TCF12: variants seen among roughly 807,000 people sequenced by gnomAD.
TCF12 encodes transcription factor 12.
Under a neutral mutation model 86.0 loss-of-function variants are expected in TCF12, and 45 were observed. The ratio of observed to expected loss-of-function variants is 0.52; its 90% confidence interval spans 0.41 to 0.67. The LOEUF is 0.67. Among genes scored for constraint, TCF12 ranks in the 30% least tolerant of loss-of-function variants. TCF12 has a pLI of 0.00. For missense variants in TCF12, 881 were observed against 859.9 expected, an observed-to-expected ratio of 1.02 and a Z score of -0.31; for synonymous variants, 330 against 299.6, an observed-to-expected ratio of 1.10 and a Z score of -1.05.
chr15:57,027,462 G>A (rs982654504), intron 3 of TCF12, among the ~76,000 whole-genome samples: 5 of 152,102 alleles, frequency 3.3e-5, no homozygotes, highest in Admixed American at 6.5e-5. Context: ...CCATTCGTTC[G>A]TTGATGTATA....
At position 57,256,257 on chromosome 15, in the gene TCF12, G is replaced by T. The variant is rs920913706; in HGVS notation, c.1467+2789G>T. Among the ~76,000 whole-genome samples the T allele has an allele frequency of 2.6e-5, 4 of 152,152 alleles. No homozygotes were observed. In the East Asian group the frequency reaches 7.7e-4, roughly 29 times the overall value. ...ACTGACTATCCCCGCAGAGTCTTAGGCATGTTATTGAGGAAGACTGTCTTA... is the reference window on the plus strand; with the variant it reads ...ACTGACTATCCCCGCAGAGTCTTAGTCATGTTATTGAGGAAGACTGTCTTA... On this transcript the variant is annotated intron_variant, in intron 16 of 20. Coordinates refer to ENST00000333725, the MANE Select transcript of TCF12 (RefSeq NM_207037.2).
intron 3 of TCF12, among the ~76,000 whole-genome samples, chr15:57,062,999 C>T (rs1224635939): frequency 1.3e-5 from 2 of 152,078 alleles, no homozygotes; most frequent in East Asian, 1.9e-4. Flanking sequence ...GGGACTGATT[C>T]GGAGGTGAAA....
At chr15:57,265,066 TAAATAGTATAGTATAGTATA>T (rs1364517801) in intron 18 of TCF12, among the ~76,000 whole-genome samples, 5 of 141,526 alleles carry the variant, frequency 3.5e-5, no homozygotes, top group South Asian at 4.6e-4. Flanking sequence ...ACTCTAATGA[TAAATAGTATAGTATAGTATA>T]GTATAGTATA....
Position 57,146,183 on chromosome 15 carries a change from C to T in TCF12, c.326-20219C>T, listed in dbSNP as rs752764697. On this transcript the variant is annotated intron_variant, in intron 5 of 20. Transcript: ENST00000333725. ...TGTTCTCTGTGTAAAGCCTCAAACT[C>T]ATTAGTTGCCCCAGGGTAATAATGA... Among the ~76,000 whole-genome samples the T allele has an allele frequency of 1.4e-4, 22 of 152,212 alleles. 1 individual carries two copies. The highest frequency in any genetic ancestry group is 9.2e-4 in the Admixed American group (14 of 15,284).
At chr15:57,178,729 T>A (rs1188814163) in intron 6 of TCF12, among the ~76,000 whole-genome samples, 2 of 152,208 alleles carry the variant, frequency 1.3e-5, no homozygotes, top group Admixed American at 6.5e-5. Flanking sequence ...TCAGAAAAAC[T>A]ACTCACTTTG....
chr15:57,040,936 C>T (rs1342143112), intron 3 of TCF12, among the ~76,000 whole-genome samples: 1 of 152,088 alleles, frequency 6.6e-6, no homozygotes, highest in Non-Finnish European at 1.5e-5. Flanking sequence ...TTAACATTTC[C>T]TCATAGTGTT....
intron 3 of TCF12, among the ~76,000 whole-genome samples, chr15:57,036,316 T>G (rs1009024571): frequency 6.6e-6 from 1 of 152,172 alleles, no homozygotes; most frequent in South Asian, 2.1e-4. Flanking sequence ...GGAGAAGAGA[T>G]ATTTTAAAGG....
chr15:57,217,513 G>A (rs556278324), intron 8 of TCF12, among the ~76,000 whole-genome samples: 1 of 152,034 alleles, frequency 6.6e-6, no homozygotes, highest in South Asian at 2.1e-4. Flanking sequence ...TTTTCTGCCC[G>A]GCATCAGGGA....
At chr15:57,018,847 T>C (rs1441850198) in intron 3 of TCF12, among the ~76,000 whole-genome samples, 2 of 152,206 alleles carry the variant, frequency 1.3e-5, no homozygotes, top group East Asian at 1.9e-4. Context: ...ACAAAAGTTA[T>C]TGCTTTGGAT....
chr15:57,232,164 G>A (rs1207736909), intron 9 of TCF12, 127 bp from the exon 10 acceptor site: 1 of 944,868 alleles, frequency 1.1e-6, no homozygotes, highest in Non-Finnish European at 1.6e-6. Context: ...AGAACAGTGG[G>A]TAGAAGACTA....
intron 3 of TCF12, among the ~76,000 whole-genome samples, chr15:56,939,050 C>T (rs1166270267): frequency 6.6e-6 from 1 of 152,188 alleles, no homozygotes; most frequent in Non-Finnish European, 1.5e-5. Flanking sequence ...CTCTCCTCAC[C>T]TGACCTCCTA....
chr15:57,085,169 C>G (rs1194986500), intron 4 of TCF12, among the ~76,000 whole-genome samples: 8 of 152,290 alleles, frequency 5.3e-5, no homozygotes, highest in Admixed American at 6.5e-5. Flanking sequence ...TATTCATCCT[C>G]TCAACAAAAA....
chr15:57,250,337 GA>G (rs1226997802), intron 13 of TCF12, among the ~76,000 whole-genome samples: 7 of 151,996 alleles, frequency 4.6e-5, no homozygotes, highest in Non-Finnish European at 8.8e-5. Flanking sequence ...CCCCCTGGGG[GA>G]AAAAAACTCA....
At chr15:57,042,836 A>G (rs540747301) in intron 3 of TCF12, among the ~76,000 whole-genome samples, 3 of 152,240 alleles carry the variant, frequency 2.0e-5, no homozygotes, top group South Asian at 4.1e-4. Flanking sequence ...ATTGTTAACT[A>G]TGTGCACATT....
intron 19 of TCF12, among the ~76,000 whole-genome samples, chr15:57,277,660 G>A (rs1418955785): frequency 4.6e-5 from 7 of 151,922 alleles, no homozygotes; most frequent in African/African-American, 1.7e-4. Flanking sequence ...AAGTTGGCTG[G>A]GCACAGTGGC....
At chr15:57,136,034 C>T (rs1763691164) in intron 5 of TCF12, among the ~76,000 whole-genome samples, 1 of 151,860 alleles carries the variant, frequency 6.6e-6, no homozygotes, top group Non-Finnish European at 1.5e-5. Context: ...ATCTTCCACT[C>T]TGTGTTTAGG....
At chr15:57,189,830 TA>T (rs35483528) in intron 6 of TCF12, among the ~76,000 whole-genome samples, 57,824 of 152,118 alleles carry the variant, frequency 0.38, 13,696 homozygotes, top group Non-Finnish European at 0.52. Flanking sequence ...TGGAAACAAC[TA>T]AAATGTCCAT....
chr15:56,930,523 A>G (rs1429803366), intron 3 of TCF12, among the ~76,000 whole-genome samples: 1 of 152,196 alleles, frequency 6.6e-6, no homozygotes, highest in African/African-American at 2.4e-5. Flanking sequence ...GATTTTAGAA[A>G]ATGTTTTTTA....
chr15:57,143,502 C>G (rs1216182655), intron 5 of TCF12, among the ~76,000 whole-genome samples: 1 of 152,044 alleles, frequency 6.6e-6, no homozygotes, highest in Non-Finnish European at 1.5e-5. Flanking sequence ...TGTTTTGAAC[C>G]TGAATGTGGA....
Sources: gnomAD v4.1 joint callset for allele counts (sites outside exome capture counted in the v4.1 genomes callset) on GRCh38, gnomAD v4.1.1 for gene constraint, MANE v1.5 for transcripts, NCBI Gene and HGNC (gene_info 2026-07-23, HGNC 2026-07-21) for gene names.